The following CUBN variants were observed in gnomAD, a reference collection of about 807,000 sequenced individuals.
CUBN encodes the protein 460 kDa receptor.
CUBN carries 282 observed loss-of-function variants against 405.3 expected under a neutral mutation model. The observed-to-expected ratio is 0.70, with a 90% confidence interval of 0.63 to 0.77. CUBN has a LOEUF of 0.77. Ranked by LOEUF, CUBN falls within the 30% of genes least tolerant of loss-of-function variation. CUBN has a pLI of 0.00. For missense variants in CUBN, 4,514 were observed against 4,475.2 expected (o/e 1.01, Z -0.25); for synonymous variants, 1,684 against 1,617.0 (o/e 1.04, Z -0.99).
chr10:16,851,702 A>G (rs1442466757), intron 59 of CUBN, among the ~76,000 whole-genome samples: 3 of 76,556 alleles, frequency 3.9e-5, no homozygotes, highest in Admixed American at 3.4e-4. Context: ...CCCTCCCTCT[A>G]TCTTTCCTTC....
intron 64 of CUBN, among the ~76,000 whole-genome samples, chr10:16,833,095 C>G (rs1257960473): frequency 6.6e-6 from 1 of 152,152 alleles, no homozygotes; most frequent in Non-Finnish European, 1.5e-5. Flanking sequence ...ATCTATCAGG[C>G]AAATGGCAAA....
chr10:16,969,675 C>A (rs1400299088), intron 31 of CUBN, among the ~76,000 whole-genome samples: 1 of 152,086 alleles, frequency 6.6e-6, no homozygotes, highest in African/African-American at 2.4e-5. Context: ...TTTAAATGTT[C>A]ATTTGTTTCT....
At chr10:16,959,624 G>A (rs1169503556) in intron 31 of CUBN, among the ~76,000 whole-genome samples, 7 of 147,330 alleles carry the variant, frequency 4.8e-5, no homozygotes, top group East Asian at 4.1e-4. Context: ...GCAAAACTCC[G>A]TCTCAAAAAA....
At chr10:16,865,240 T>C (rs1365567482) in intron 59 of CUBN, among the ~76,000 whole-genome samples, 1 of 148,368 alleles carries the variant, frequency 6.7e-6, no homozygotes, top group Non-Finnish European at 1.5e-5. Context: ...AAAGTGCCAG[T>C]ATTACAGGCG....
intron 28 of CUBN, among the ~76,000 whole-genome samples, chr10:16,999,990 T>C (rs556723837): frequency 1.3e-5 from 2 of 152,270 alleles, no homozygotes; most frequent in South Asian, 4.1e-4. Flanking sequence ...TTAAACTCTG[T>C]CCAAATCTGA....
In CUBN at chr10:17,100,017, T is replaced by C. The variant is rs1261009256; in HGVS notation, c.1753A>G (p.Thr585Ala). ...NGRGFTVRWE[T>A]QQPECGGILT... Reference sequence around the variant, plus strand: ...GGTTCACACATACCTGGTTGCTGTGTTTCCCATCTTACTGTAAAGCCTCTC... The same window carrying C: ...GGTTCACACATACCTGGTTGCTGTGCTTCCCATCTTACTGTAAAGCCTCTC... The change falls in exon 14 of 67, where the codon ACA becomes GCA. Residue 585 changes from threonine to alanine, a missense_variant. Thr to Ala is a moderately conservative substitution (Grantham distance 58). Coordinates refer to ENST00000377833, the MANE Select transcript of CUBN (RefSeq NM_001081.4). 1 of 1,612,338 alleles carries C rather than the reference T, an allele frequency of 6.2e-7. No individual in the cohort carries two copies. Among genetic ancestry groups the C allele is most frequent in the East Asian group, 2.2e-5 (1 of 44,870 alleles).
chr10:17,042,958 G>A (rs1835049425), intron 26 of CUBN, among the ~76,000 whole-genome samples: 1 of 152,082 alleles, frequency 6.6e-6, no homozygotes, highest in Non-Finnish European at 1.5e-5. Context: ...TTTTGATTCA[G>A]TAGAATTATG....
In CUBN at chr10:16,990,466, C is replaced by A. The variant is rs1833550839; in HGVS notation, c.4218G>T (p.Gly1406=). 1 of 1,614,176 alleles carries A rather than the reference C, an allele frequency of 6.2e-7. No homozygotes were observed. The highest frequency in any genetic ancestry group is 1.7e-5 in the Admixed American group (1 of 60,022). ...TGTTTGGTGGATACCTGTTGGGGAA[C>A]CCGGGGCTGCTGAAGGAGCCTGTGG... ...SGATGSFSSP[G]FPNRYPPNKE... The change falls in exon 29 of 67, where the codon GGG becomes GGT. Residue 1406 remains glycine (G), a synonymous_variant. Transcript: ENST00000377833.
At chr10:17,072,789 T>C (rs12254816) in intron 17 of CUBN, among the ~76,000 whole-genome samples, 16,974 of 152,108 alleles carry the variant, frequency 0.11, 988 homozygotes, top group African/African-American at 0.13. Flanking sequence ...AAGACACAGA[T>C]ACTAAGATTT....
intron 63 of CUBN, among the ~76,000 whole-genome samples, chr10:16,835,854 TATG>T (rs1839152370): frequency 6.6e-6 from 1 of 152,158 alleles, no homozygotes; most frequent in Admixed American, 6.5e-5. Flanking sequence ...GGGTAAATTG[TATG>T]ATATGAGAAT....
chr10:16,987,410 C>T (rs1408375790), intron 29 of CUBN, among the ~76,000 whole-genome samples: 2 of 152,176 alleles, frequency 1.3e-5, no homozygotes, highest in East Asian at 3.9e-4. Context: ...CATTTCAAAG[C>T]CTATGGTTTT....
chr10:17,109,662 A>T lies in CUBN; in HGVS notation c.1089T>A (p.Asp363Glu). ...CSVSNGGCHP[D>E]ASCSSTLGSL... ...TACCTAGAGTTGAGGAGCATGAGGCATCTGGGTGGCAGCCTCCATTACTGA... is the reference window on the plus strand; with the variant it reads ...TACCTAGAGTTGAGGAGCATGAGGCTTCTGGGTGGCAGCCTCCATTACTGA... Residue 363 changes from aspartate to glutamate, a missense_variant, in exon 10 of 67, where the codon GAT (aspartate) becomes GAA (glutamate). Around this residue, in one of 5 missense-constraint regions of CUBN, gnomAD observed 1,448 missense variants for 1,388.0 expected, o/e 1.04. Coordinates refer to ENST00000377833, the MANE Select transcript of CUBN (RefSeq NM_001081.4). 4 of 1,613,886 alleles carry T rather than the reference A, an allele frequency of 2.5e-6. No individual in the cohort carries two copies. The highest frequency in any genetic ancestry group is 3.4e-6 in the Non-Finnish European group (4 of 1,179,828).
chr10:16,851,173 G>A (rs1180392864), intron 60 of CUBN, 62 bp downstream of exon 60: 5 of 1,343,562 alleles, frequency 3.7e-6, no homozygotes, highest in Non-Finnish European at 5.3e-6. Flanking sequence ...GATATAAACT[G>A]GAATACACTA....
intron 39 of CUBN, among the ~76,000 whole-genome samples, chr10:16,933,932 C>T (rs1380072695): frequency 6.6e-6 from 1 of 152,152 alleles, no homozygotes; most frequent in Admixed American, 6.5e-5. Context: ...ACCCCAGGGA[C>T]AGGGCTGTTT....
intron 60 of CUBN, among the ~76,000 whole-genome samples, chr10:16,845,569 T>C (rs1038994955): frequency 2.0e-5 from 3 of 152,230 alleles, no homozygotes; most frequent in Non-Finnish European, 2.9e-5. Context: ...AAAGAAGCAA[T>C]GATTAGAATC....
intron 48 of CUBN, among the ~76,000 whole-genome samples, chr10:16,912,319 T>A (rs542147665): frequency 5.5e-4 from 84 of 152,340 alleles, no homozygotes; most frequent in African/African-American, 1.9e-3. Flanking sequence ...ATAATGATAG[T>A]ACCTCTACTA....
intron 59 of CUBN, among the ~76,000 whole-genome samples, chr10:16,852,745 A>G (rs1839756133): frequency 6.6e-6 from 1 of 152,216 alleles, no homozygotes; most frequent in South Asian, 2.1e-4. Flanking sequence ...AAATGTGCAT[A>G]TGTTTTACTT....
intron 48 of CUBN, among the ~76,000 whole-genome samples, chr10:16,908,433 C>G (rs185579299): frequency 4.6e-5 from 7 of 152,316 alleles, no homozygotes; most frequent in African/African-American, 1.4e-4. Context: ...GTGTGAGCCA[C>G]AGCACCCAGC....
rs2131782772 is a variant in CUBN, at chr10:17,019,907, T to C, written c.4094A>G (p.Lys1365Arg). The change falls in exon 28 of 67, where the codon AAG becomes AGG. Residue 1365 changes from lysine to arginine, a missense_variant. By Grantham distance (26) the Lys-to-Arg change is conservative. Transcript: ENST00000377833. Reference sequence around the variant, plus strand: ...ATCTGTAAGGAGCAGCACTTGAAGCTTGGAGCTTGTAGTACTCCCTGGAGG... The same window carrying C: ...ATCTGTAAGGAGCAGCACTTGAAGCCTGGAGCTTGTAGTACTCCCTGGAGG... ...LPPPGSTTSS[K>R]LQVLLLTDGV... is the part of the protein sequence containing the mutation. 1 of 1,614,192 alleles carries C rather than the reference T, an allele frequency of 6.2e-7. No individual in the cohort carries two copies. The highest frequency in any genetic ancestry group is 1.3e-5 in the African/African-American group (1 of 75,064).
Sources: gnomAD v4.1 joint callset for allele counts (sites outside exome capture counted in the v4.1 genomes callset) on GRCh38, gnomAD v4.1.1 for gene constraint, gnomAD v4.1.1 regional missense constraint, MANE v1.5 for transcripts, NCBI Gene and HGNC (gene_info 2026-07-23, HGNC 2026-07-21) for gene names.